The following HMBOX1 variants were observed in gnomAD, a reference collection of about 807,000 sequenced individuals.
HMBOX1 encodes the protein homeobox containing 1, also known as homeobox-containing protein 1.
A neutral mutation model predicts 54.5 loss-of-function variants in HMBOX1; 14 were observed. The ratio of observed to expected loss-of-function variants is 0.26; its 90% CI spans 0.17 to 0.40. The LOEUF (loss-of-function observed/expected upper bound fraction) is 0.40. Among genes scored for constraint, HMBOX1 ranks in the 10% least tolerant of loss-of-function variants. HMBOX1 has a pLI of 1.00. For missense variants in HMBOX1, 332 were observed against 514.4 expected (o/e 0.65, Z 3.43); for synonymous variants, 160 against 181.0 (o/e 0.88, Z 0.93).
intron 2 of HMBOX1, among the ~76,000 whole-genome samples, chr8:28,966,627 C>T (rs761180728): frequency 2.0e-5 from 3 of 152,064 alleles, no homozygotes; most frequent in Admixed American, 6.5e-5. Flanking sequence ...TGTGAAATGC[C>T]GGAGTATATG....
chr8:29,034,217 G>A (rs996827660), intron 6 of HMBOX1, among the ~76,000 whole-genome samples: 1 of 152,188 alleles, frequency 6.6e-6, no homozygotes, highest in Non-Finnish European at 1.5e-5. Flanking sequence ...TAGTTTAGTG[G>A]TAGGAGGCAT....
Position 28,970,365 on chromosome 8 carries a change from C to G in HMBOX1, c.346C>G (p.Gln116Glu), listed in dbSNP as rs1178018558. Residue 116 changes from glutamine (Q) to glutamate (E), a missense_variant, in exon 3 of 10, where the codon CAA (glutamine) becomes GAA (glutamate). Physicochemically the swap from Gln to Glu is conservative, Grantham distance 29. Around this residue, in one of 4 missense-constraint regions of HMBOX1, gnomAD observed 146 missense variants for 173.3 expected, o/e 0.84. Transcript: ENST00000287701. This position sits in a 1 kb window ranked among gnomAD's most constrained non-coding sequence, Gnocchi z 4.3. ...TTCCCCACAGCCTTGCACTACCAAT[C>G]AAAATGGGAGGGAGAATAATGAGCG... The part of the protein sequence containing the change: ...DTSPQPCTTN[Q>E]NGRENNERLS... 6 of 1,614,010 alleles carry G rather than the reference C, an allele frequency of 3.7e-6. No individual in the cohort carries two copies. Among genetic ancestry groups the G allele is most frequent in the Non-Finnish European group, 5.1e-6 (6 of 1,180,014 alleles).
chr8:29,015,154 A>G (rs143901144), intron 5 of HMBOX1, among the ~76,000 whole-genome samples: 1 of 152,296 alleles, frequency 6.6e-6, no homozygotes, highest in East Asian at 1.9e-4. Context: ...AATATTAATA[A>G]TAAACCCCAA....
At chr8:28,961,940 G>T in intron 1 of HMBOX1, among the ~76,000 whole-genome samples, 1 of 113,802 alleles carries the variant, frequency 8.8e-6, no homozygotes, top group Non-Finnish European at 1.7e-5. Context: ...TTTTGAGACA[G>T]GGACTCATCA....
intron 6 of HMBOX1, among the ~76,000 whole-genome samples, chr8:29,024,860 A>G (rs1235991460): frequency 1.3e-5 from 2 of 152,204 alleles, no homozygotes; most frequent in Non-Finnish European, 2.9e-5. Flanking sequence ...AAGTGGCAGC[A>G]GAGCAAGCAT....
intron 6 of HMBOX1, among the ~76,000 whole-genome samples, chr8:29,036,341 G>A (rs1214301039): frequency 6.6e-6 from 1 of 152,070 alleles, no homozygotes; most frequent in Non-Finnish European, 1.5e-5. Flanking sequence ...TCCTGATAAT[G>A]ATTTGGAAGC....
chr8:28,947,487 G>A (rs1822678183), intron 1 of HMBOX1, among the ~76,000 whole-genome samples: 2 of 152,110 alleles, frequency 1.3e-5, no homozygotes, highest in Non-Finnish European at 2.9e-5. Flanking sequence ...TTCAGCACTC[G>A]CTACCTAGTA....
chr8:28,980,469 T>TCTATACTACA (rs1325310565), intron 4 of HMBOX1, among the ~76,000 whole-genome samples: 1 of 152,232 alleles, frequency 6.6e-6, no homozygotes, highest in Non-Finnish European at 1.5e-5. Flanking sequence ...CCAACTGCTT[T>TCTATACTACA]CTATACTACA....
intron 6 of HMBOX1, among the ~76,000 whole-genome samples, chr8:29,037,082 C>A (rs1288899651): frequency 6.6e-6 from 1 of 152,128 alleles, no homozygotes. Flanking sequence ...TATTTTAAAA[C>A]CTTAAGATGC....
intron 1 of HMBOX1, among the ~76,000 whole-genome samples, chr8:28,905,475 G>C (rs944637171): frequency 6.6e-6 from 1 of 152,196 alleles, no homozygotes; most frequent in African/African-American, 2.4e-5. Flanking sequence ...GATTTGTGAG[G>C]GGATCAGGGA....
intron 5 of HMBOX1, chr8:29,009,573 A>C: frequency 1.1e-6 from 1 of 883,092 alleles, no homozygotes; most frequent in Non-Finnish European, 1.4e-6. Context: ...AGTAATGTAA[A>C]TTTAATATTT....
At chr8:28,923,987 G>C (rs1386645376) in intron 1 of HMBOX1, among the ~76,000 whole-genome samples, 3 of 151,566 alleles carry the variant, frequency 2.0e-5, no homozygotes, top group Admixed American at 6.6e-5. Flanking sequence ...GTTAAGTTTA[G>C]TAGTTCTTAA....
chr8:29,049,238 G>T, intron 9 of HMBOX1, 190 bp downstream of exon 9: 1 of 1,516,886 alleles, frequency 6.6e-7, no homozygotes, highest in South Asian at 1.2e-5. Context: ...TTGTCCTGTT[G>T]AATTTGTGAG....
chr8:28,986,575 C>T (rs958285995), intron 4 of HMBOX1, among the ~76,000 whole-genome samples: 1 of 152,160 alleles, frequency 6.6e-6, no homozygotes, highest in Non-Finnish European at 1.5e-5. Flanking sequence ...GAGTGGGCTT[C>T]TACATGAAAG....
intron 1 of HMBOX1, among the ~76,000 whole-genome samples, chr8:28,927,221 C>T (rs1463559543): frequency 6.6e-6 from 1 of 152,084 alleles, no homozygotes; most frequent in Non-Finnish European, 1.5e-5. Context: ...CATTGCATGC[C>T]TGTATCAAAA....
At chr8:28,910,977 G>A (rs1299552164) in intron 1 of HMBOX1, among the ~76,000 whole-genome samples, 1 of 152,172 alleles carries the variant, frequency 6.6e-6, no homozygotes, top group East Asian at 1.9e-4. Flanking sequence ...TTATCTAATT[G>A]TAGAGTTCAC....
chr8:29,049,312 GGGA>G (rs769343457), intron 9 of HMBOX1: 21 of 1,534,794 alleles, frequency 1.4e-5, no homozygotes, highest in South Asian at 3.6e-5. Context: ...GTACGCAATG[GGGA>G]GGAGGAGGAG....
intron 6 of HMBOX1, among the ~76,000 whole-genome samples, chr8:29,019,836 C>T (rs1334244132): frequency 6.6e-6 from 1 of 152,206 alleles, no homozygotes; most frequent in Non-Finnish European, 1.5e-5. Flanking sequence ...AGCTCATGAA[C>T]TTCACTACCT....
At chr8:29,047,857 G>A (rs751746073) in intron 8 of HMBOX1, among the ~76,000 whole-genome samples, 7 of 152,028 alleles carry the variant, frequency 4.6e-5, no homozygotes, top group Admixed American at 2.0e-4. Context: ...GTGAGCCACC[G>A]TGCCGGATCC....
Sources: gnomAD v4.1 joint callset for allele counts (sites outside exome capture counted in the v4.1 genomes callset) on GRCh38, gnomAD v4.1.1 for gene constraint, gnomAD v4.1.1 regional missense constraint, Gnocchi (gnomAD v3.1) non-coding constraint, MANE v1.5 for transcripts, NCBI Gene and HGNC (gene_info 2026-07-23, HGNC 2026-07-21) for gene names.